C12orf42: variants seen among roughly 807,000 people sequenced by gnomAD.
C12orf42 encodes the protein chromosome 12 open reading frame 42, also known as uncharacterized protein C12orf42.
A neutral mutation model predicts 21.6 loss-of-function variants in C12orf42; 25 were observed. The observed-to-expected ratio is 1.16, with a 90% CI of 0.84 to 1.62. The LOEUF is 1.62. Ranked by LOEUF, C12orf42 falls within the 40% of genes most tolerant of loss-of-function variation. The pLI, the probability that C12orf42 is intolerant of heterozygous loss-of-function variation, is 0.00. For synonymous variants in C12orf42, 174 were observed against 175.0 expected (o/e 0.99, Z 0.05); for missense variants, 483 against 459.3 (o/e 1.05, Z -0.47).
intron 2 of C12orf42, among the ~76,000 whole-genome samples, chr12:103,441,752 G>C (rs1393153721): frequency 6.6e-6 from 1 of 152,184 alleles, no homozygotes; most frequent in African/African-American, 2.4e-5. Context: ...CAGGAAATGT[G>C]TTCTCAAATG....
At chr12:103,519,127 TCTC>T in the C12orf42 span, among the ~76,000 whole-genome samples, 1 of 152,122 alleles carries the variant, frequency 6.6e-6, no homozygotes, top group Non-Finnish European at 1.5e-5. Context: ...GCTTGGCACT[TCTC>T]CTTTCTGCCA....
intron 4 of C12orf42, among the ~76,000 whole-genome samples, chr12:103,308,572 A>T (rs962024383): frequency 2.6e-5 from 4 of 152,222 alleles, no homozygotes; most frequent in Non-Finnish European, 5.9e-5. Flanking sequence ...GAGCAGAATG[A>T]GGAAGGATAA....
chr12:103,149,147 T>A, the C12orf42 span, among the ~76,000 whole-genome samples: 1 of 152,174 alleles, frequency 6.6e-6, no homozygotes, highest in Admixed American at 6.5e-5. Flanking sequence ...TTTCAAAGAC[T>A]GGGATTAAAT....
the C12orf42 span, among the ~76,000 whole-genome samples, chr12:103,551,415 G>T: frequency 6.6e-6 from 1 of 152,116 alleles, no homozygotes; most frequent in Admixed American, 6.6e-5. Context: ...GTTTTGGAAG[G>T]CTGAGACAGT....
the C12orf42 span, among the ~76,000 whole-genome samples, chr12:103,219,225 G>A: frequency 2.6e-5 from 4 of 152,168 alleles, no homozygotes; most frequent in African/African-American, 9.7e-5. Flanking sequence ...AACTGAAACT[G>A]GACCCCTTCC....
chr12:103,478,688 A>G (rs542080298), intron 1 of C12orf42, among the ~76,000 whole-genome samples: 2 of 151,490 alleles, frequency 1.3e-5, no homozygotes, highest in Non-Finnish European at 2.9e-5. Context: ...TGGCCTCAAT[A>G]AAATTCTATA....
the C12orf42 span, among the ~76,000 whole-genome samples, chr12:103,227,835 G>A: frequency 6.6e-6 from 1 of 152,152 alleles, no homozygotes; most frequent in Non-Finnish European, 1.5e-5. Flanking sequence ...TGTCTCCTTT[G>A]TCTCTCCCAG....
chr12:103,094,276 C>G, the C12orf42 span, among the ~76,000 whole-genome samples: 1 of 152,172 alleles, frequency 6.6e-6, no homozygotes, highest in African/African-American at 2.4e-5. Context: ...TATTAAAACA[C>G]TTTGAGTGGT....
chr12:103,483,702 G>A (rs1018432463), intron 1 of C12orf42, among the ~76,000 whole-genome samples: 3 of 151,448 alleles, frequency 2.0e-5, no homozygotes, highest in Admixed American at 2.0e-4. Flanking sequence ...TAGGGTACAT[G>A]TGCACAACAT....
At chr12:103,101,156 G>A in the C12orf42 span, among the ~76,000 whole-genome samples, 1 of 152,352 alleles carries the variant, frequency 6.6e-6, no homozygotes, top group Non-Finnish European at 1.5e-5. Context: ...GACCTTGCAA[G>A]TTAGGTTGAC....
intron 5 of C12orf42, among the ~76,000 whole-genome samples, chr12:103,303,527 G>A (rs985845328): frequency 1.3e-5 from 2 of 152,078 alleles, no homozygotes; most frequent in African/African-American, 4.8e-5. Context: ...GCATTTAGAT[G>A]TCTAGAATAT....
At chr12:103,047,899 G>A in the C12orf42 span, among the ~76,000 whole-genome samples, 27 of 152,280 alleles carry the variant, frequency 1.8e-4, no homozygotes, top group African/African-American at 6.5e-4. Context: ...GTTTCTTTGA[G>A]GCTCAGGCTT....
chr12:103,156,928 T>G, the C12orf42 span, among the ~76,000 whole-genome samples: 1 of 152,198 alleles, frequency 6.6e-6, no homozygotes, highest in African/African-American at 2.4e-5. Flanking sequence ...AATGCTGCAG[T>G]AAACATATAT....
At chr12:103,319,261 G>A (rs368503670) in intron 4 of C12orf42, among the ~76,000 whole-genome samples, 100 of 152,310 alleles carry the variant, frequency 6.6e-4, no homozygotes, top group African/African-American at 2.2e-3. Context: ...TTCCCCTCAT[G>A]CTAGAGAATT....
the C12orf42 span, among the ~76,000 whole-genome samples, chr12:103,110,404 A>G: frequency 1.3e-5 from 2 of 152,190 alleles, no homozygotes; most frequent in Admixed American, 6.5e-5. Flanking sequence ...GTATAGAAGG[A>G]TATATAGCCA....
At chr12:103,441,259 A>C (rs1414832516) in intron 2 of C12orf42, among the ~76,000 whole-genome samples, 1 of 152,182 alleles carries the variant, frequency 6.6e-6, no homozygotes, top group Non-Finnish European at 1.5e-5. Flanking sequence ...TTTACATTTT[A>C]CCAAATAATC....
chr12:103,215,189 G>C, the C12orf42 span, among the ~76,000 whole-genome samples: 1 of 151,916 alleles, frequency 6.6e-6, no homozygotes, highest in African/African-American at 2.4e-5. Flanking sequence ...TATTGTTCTG[G>C]ATGTTTTATT....
intron 4 of C12orf42, among the ~76,000 whole-genome samples, chr12:103,282,577 G>A (rs1336212781): frequency 6.6e-6 from 1 of 152,098 alleles, no homozygotes; most frequent in Non-Finnish European, 1.5e-5. Context: ...GTTTGTGTTA[G>A]TACGCTCTGA....
the C12orf42 span, among the ~76,000 whole-genome samples, chr12:103,501,242 T>C: frequency 1.3e-5 from 2 of 152,168 alleles, no homozygotes; most frequent in Admixed American, 6.5e-5. Context: ...ACCTGCTCAG[T>C]TGTCAGGCAA....
Sources: gnomAD v4.1 joint callset for allele counts (sites outside exome capture counted in the v4.1 genomes callset) on GRCh38, gnomAD v4.1.1 for gene constraint, MANE v1.5 for transcripts, NCBI Gene and HGNC (gene_info 2026-07-23, HGNC 2026-07-21) for gene names.